The following CRISP3 variants were observed in gnomAD, a reference collection of about 807,000 sequenced individuals.
CRISP3 encodes cysteine-rich secretory protein 3.
In CRISP3, 33 loss-of-function variants were observed where a neutral mutation model predicts 36.1. That is an observed-to-expected ratio of 0.91 (90% CI 0.69 to 1.22). CRISP3 has a LOEUF of 1.22. Ranked by LOEUF, CRISP3 falls within the 50% of genes most tolerant of loss-of-function variation. The probability of loss-of-function intolerance (pLI) is 0.00; values close to 1 mark genes in which losing one functional copy is unlikely to be tolerated. For synonymous variants in CRISP3, 117 were observed against 104.6 expected (o/e 1.12, Z -0.72); for missense variants, 330 against 301.2 (o/e 1.10, Z -0.71).
In CRISP3 at chr6:49,728,821, C is replaced by T; in HGVS notation, c.686G>A (p.Cys229Tyr). Residue 229 changes from cysteine to tyrosine, a missense_variant, in exon 8 of 8, where the codon TGT (cysteine) becomes TAT (tyrosine). Coordinates refer to ENST00000263045, the MANE Select transcript of CRISP3 (RefSeq NM_006061.4). Reference sequence around the variant, plus strand: ...GGTTAATGTGAGCTTCAAACTTTTACAGTTACTATAGAGATCTTCGTACTT... The same window carrying T: ...GGTTAATGTGAGCTTCAAACTTTTATAGTTACTATAGAGATCTTCGTACTT... ...GCKYEDLYSN[C>Y]KSLKLTLTCK... 6.2e-7 allele frequency: 1 copy of T among 1,612,704 alleles called. No individual in the cohort carries two copies. The highest frequency in any genetic ancestry group is 8.5e-7 in the Non-Finnish European group (1 of 1,179,240).
intron 6 of CRISP3, among the ~76,000 whole-genome samples, chr6:49,732,402 C>A (rs1289656646): frequency 1.3e-5 from 2 of 152,100 alleles, no homozygotes; most frequent in African/African-American, 2.4e-5. Context: ...TTGGGGAAAA[C>A]CCCTCCCACT....
At chr6:49,739,575 A>G (rs890666430) in intron 1 of CRISP3, among the ~76,000 whole-genome samples, 1 of 152,214 alleles carries the variant, frequency 6.6e-6, no homozygotes, top group African/African-American at 2.4e-5. Flanking sequence ...AACAACTTGA[A>G]TGAGATAAAT....
At chr6:49,742,427 T>C (rs979220097) in intron 1 of CRISP3, among the ~76,000 whole-genome samples, 8 of 150,780 alleles carry the variant, frequency 5.3e-5, no homozygotes, top group African/African-American at 1.9e-4. Flanking sequence ...AGCTCAGGAG[T>C]TTGAGACCAC....
At position 49,733,308 on chromosome 6, in the gene CRISP3, T is replaced by G. The variant is rs531931607; in HGVS notation, c.463-16A>C. ...ACCAAACAACCTATAAACCAATAAGTGAAGATATGAGAGCACATTAGAGAA... is the reference window on the plus strand; with the variant it reads ...ACCAAACAACCTATAAACCAATAAGGGAAGATATGAGAGCACATTAGAGAA... On this transcript the variant is annotated splice_polypyrimidine_tract_variant and intron_variant, in intron 5 of 7. Transcript: ENST00000263045. The G allele has an allele frequency of 1.3e-6, 2 of 1,510,774 alleles. No homozygotes were observed. The highest frequency in any genetic ancestry group is 1.2e-5 in the South Asian group (1 of 84,368). The allele number at this position is 1,510,774 out of a possible 1,614,324, so 93.6% of individuals were successfully genotyped here. A position where few individuals can be genotyped will look rare whatever the true frequency, so the allele number is the denominator to read the frequency against.
At chr6:49,730,687 G>A (rs529906681) in intron 7 of CRISP3, among the ~76,000 whole-genome samples, 76 of 152,174 alleles carry the variant, frequency 5.0e-4, no homozygotes, top group African/African-American at 1.8e-3. Context: ...ATGATAACAG[G>A]CCAAATTTTA....
intron 1 of CRISP3, among the ~76,000 whole-genome samples, chr6:49,739,037 A>G (rs1351003323): frequency 2.0e-5 from 3 of 151,792 alleles, no homozygotes; most frequent in Non-Finnish European, 4.4e-5. Context: ...TGATGTTGCC[A>G]GAATGCAGAT....
intron 6 of CRISP3, 75 bp downstream of exon 6, chr6:49,733,120 C>A: frequency 2.4e-6 from 2 of 849,894 alleles, no homozygotes; most frequent in Non-Finnish European, 1.8e-6. Flanking sequence ...CTTAAATATG[C>A]TTTTTAGTTT....
At chr6:49,729,658 A>G (rs1388734659) in intron 7 of CRISP3, among the ~76,000 whole-genome samples, 1 of 152,150 alleles carries the variant, frequency 6.6e-6, no homozygotes, top group Non-Finnish European at 1.5e-5. Flanking sequence ...ATCAACTGGA[A>G]CTTGTTTCTA....
chr6:49,735,470 G>T, intron 4 of CRISP3, 34 bp downstream of exon 4: 1 of 1,478,836 alleles, frequency 6.8e-7, no homozygotes, highest in Non-Finnish European at 9.4e-7. Context: ...TTTACTTGTT[G>T]ATTTATTCAA....
intron 1 of CRISP3, among the ~76,000 whole-genome samples, chr6:49,742,782 G>A (rs1338760573): frequency 6.6e-6 from 1 of 151,988 alleles, no homozygotes; most frequent in South Asian, 2.1e-4. Context: ...AAATCAACTG[G>A]TGGAGGAAAA....
intron 2 of CRISP3, 139 bp downstream of exon 2, chr6:49,737,186 T>A: frequency 1.6e-6 from 1 of 625,890 alleles, no homozygotes; most frequent in Middle Eastern, 3.0e-4. Context: ...ATAATTATGT[T>A]AACTACCTTG....
intron 7 of CRISP3, among the ~76,000 whole-genome samples, chr6:49,729,395 G>A (rs1768858357): frequency 6.6e-6 from 1 of 152,022 alleles, no homozygotes; most frequent in African/African-American, 2.4e-5. Flanking sequence ...CTTTCTCTCA[G>A]GTCTAGGTAA....
At chr6:49,735,896 C>T (rs1193515156) in intron 3 of CRISP3, among the ~76,000 whole-genome samples, 1 of 152,078 alleles carries the variant, frequency 6.6e-6, no homozygotes, top group Non-Finnish European at 1.5e-5. Context: ...TATTGATAAA[C>T]ATGTGGAGGT....
At chr6:49,740,837 A>G (rs1325349798) in intron 1 of CRISP3, among the ~76,000 whole-genome samples, 2 of 151,960 alleles carry the variant, frequency 1.3e-5, no homozygotes, top group Admixed American at 6.6e-5. Flanking sequence ...TGCGGTGGCT[A>G]ATGCCTGTAA....
intron 7 of CRISP3, among the ~76,000 whole-genome samples, chr6:49,730,677 A>G (rs1768892251): frequency 6.6e-6 from 1 of 152,208 alleles, no homozygotes. Flanking sequence ...CAGGTTACAT[A>G]TGATAACAGG....
intron 1 of CRISP3, among the ~76,000 whole-genome samples, chr6:49,742,631 CAAAA>C (rs33995764): frequency 4.4e-4 from 31 of 71,228 alleles, no homozygotes; most frequent in East Asian, 6.6e-4. Context: ...GACTCCATCT[CAAAA>C]AAAAAAAAAA....
intron 3 of CRISP3, 83 bp from the exon 4 acceptor site, chr6:49,735,674 G>C: frequency 4.3e-6 from 4 of 928,524 alleles, no homozygotes; most frequent in Non-Finnish European, 6.5e-6. Flanking sequence ...GTTATAGGTT[G>C]ATTTACATCA....
intron 4 of CRISP3, among the ~76,000 whole-genome samples, chr6:49,734,095 T>C (rs914925952): frequency 1.1e-4 from 16 of 152,162 alleles, no homozygotes; most frequent in Non-Finnish European, 1.0e-4. Context: ...TTTGAGTAGA[T>C]GGAGAAGCCT....
At position 49,737,373 on chromosome 6, in the gene CRISP3, C is replaced by A. The variant is rs144464003; in HGVS notation, c.63G>T (p.Leu21Phe). Residue 21 changes from leucine to phenylalanine, a missense_variant, in exon 2 of 8, where the codon TTG becomes TTT. Leu to Phe is a conservative substitution (Grantham distance 22, BLOSUM62 0). Transcript: ENST00000263045. ...ATGGAAGCAGCCCAGCAACCAGGAA[C>A]AACAGCACTGGGAATAATGTCATTG... ...TTAMTLFPVL[L>F]FLVAGLLPSF... The A allele has an allele frequency of 1.2e-5, 19 of 1,613,930 alleles. 1 individual carries two copies. In the South Asian group the frequency reaches 1.5e-4, roughly 13 times the overall value.
Sources: allele counts gnomAD v4.1 joint callset (sites outside exome capture counted in the v4.1 genomes callset), GRCh38; gene constraint gnomAD v4.1.1; transcripts MANE v1.5; gene names NCBI Gene and HGNC (gene_info 2026-07-23, HGNC 2026-07-21).